The following ASB3 variants were observed in gnomAD, a reference collection of about 807,000 sequenced individuals.
ASB3 encodes ankyrin repeat and SOCS box protein 3.
In ASB3, 41 loss-of-function variants were observed where a neutral mutation model predicts 54.5. That is an observed-to-expected ratio of 0.75 (90% CI 0.59 to 0.98). The LOEUF is 0.98. ASB3 is among the 50% of genes least tolerant of loss of function. The pLI is 0.00. For synonymous variants in ASB3, 266 were observed against 221.2 expected, an observed-to-expected ratio of 1.20 and a Z score of -1.80; for missense variants, 733 against 620.0, an observed-to-expected ratio of 1.18 and a Z score of -1.94.
chr2:53,726,218 G>A (rs1029553218), intron 5 of ASB3, among the ~76,000 whole-genome samples: 2 of 151,060 alleles, frequency 1.3e-5, no homozygotes, highest in African/African-American at 4.9e-5. Context: ...CCTGACATGA[G>A]GAGAGACATT....
rs143159327 is a variant in ASB3 at position 53,679,290 on chromosome 2, A to G, written c.1370-8600T>C. On this transcript the variant is annotated intron_variant, in intron 9 of 9. Transcript: ENST00000263634. ...AGGGTTTTGCTCTGCAAATCTTTCA[A>G]TGGTTCTCAATTGGTTTCCCACAGC... Among the ~76,000 whole-genome samples the G allele has an allele frequency of 3.1e-3, 471 of 152,242 alleles. 4 individuals are homozygous for G. Among genetic ancestry groups the G allele is most frequent in the African/African-American group, 0.011 (444 of 41,534 alleles).
At chr2:53,681,072 T>G (rs1295285905) in intron 9 of ASB3, among the ~76,000 whole-genome samples, 2 of 152,260 alleles carry the variant, frequency 1.3e-5, no homozygotes, top group Admixed American at 6.5e-5. Context: ...TCATTCTTTT[T>G]TATGGTTGAA....
chr2:53,720,019 C>T (rs941039497), intron 5 of ASB3, among the ~76,000 whole-genome samples: 13 of 152,148 alleles, frequency 8.5e-5, no homozygotes, highest in African/African-American at 2.9e-4. Context: ...ACGTACCTCC[C>T]TCACAAGGAA....
chr2:53,758,046 A>T (rs990471130), intron 2 of ASB3, among the ~76,000 whole-genome samples: 16 of 152,354 alleles, frequency 1.1e-4, no homozygotes, highest in Non-Finnish European at 2.4e-4. Flanking sequence ...AGAGAGAAAA[A>T]GAGAGATAGA....
chr2:53,747,427 T>C (rs1054701571), intron 3 of ASB3, among the ~76,000 whole-genome samples: 3 of 152,082 alleles, frequency 2.0e-5, no homozygotes, highest in African/African-American at 7.2e-5. Context: ...GGGCTTGTAA[T>C]CCCAGCTACT....
intron 8 of ASB3, among the ~76,000 whole-genome samples, chr2:53,694,935 T>C (rs1052987766): frequency 1.3e-5 from 2 of 152,176 alleles, no homozygotes; most frequent in Non-Finnish European, 2.9e-5. Flanking sequence ...ATTATATTTT[T>C]AGAAGCTTTA....
At chr2:53,672,858 T>C (rs188655728) in intron 9 of ASB3, among the ~76,000 whole-genome samples, 2 of 152,356 alleles carry the variant, frequency 1.3e-5, no homozygotes, top group African/African-American at 4.8e-5. Flanking sequence ...AATATCTATT[T>C]CTGTTCTGTG....
chr2:53,677,534 T>C (rs1231266860), intron 9 of ASB3, among the ~76,000 whole-genome samples: 1 of 152,252 alleles, frequency 6.6e-6, no homozygotes, highest in Non-Finnish European at 1.5e-5. Flanking sequence ...CAGTGTTTTC[T>C]ATGCTCCTTT....
At chr2:53,785,186 C>T (rs550067063) in intron 1 of ASB3, among the ~76,000 whole-genome samples, 2 of 152,352 alleles carry the variant, frequency 1.3e-5, no homozygotes, top group South Asian at 4.1e-4. Flanking sequence ...GTACTAAAAG[C>T]AACACATCCT....
rs1485339834 is a variant in ASB3, at chr2:53,786,936, G to A, written c.-129C>T. On this transcript the variant is annotated 5_prime_UTR_variant, in exon 1 of 10. Transcript: ENST00000263634. ...CGCGATGCTGCAGCCGTCCGAAAACGAGAGACGCGCAGGCGACGTCCCGGC... is the reference window on the plus strand; with the variant it reads ...CGCGATGCTGCAGCCGTCCGAAAACAAGAGACGCGCAGGCGACGTCCCGGC... 4.8e-6 allele frequency: 2 copies of A among 420,294 alleles called. No individual in the cohort carries two copies. The highest frequency in any genetic ancestry group is 7.4e-5 in the East Asian group (2 of 26,914). The allele number at this position is 420,294 out of a possible 1,614,324, so 26.0% of individuals were successfully genotyped here. A position where few individuals can be genotyped will look rare whatever the true frequency, so the allele number is the denominator to read the frequency against.
chr2:53,699,590 A>C (rs889131450), intron 8 of ASB3, among the ~76,000 whole-genome samples: 2 of 152,234 alleles, frequency 1.3e-5, no homozygotes, highest in Non-Finnish European at 2.9e-5. Flanking sequence ...TAAAATAACA[A>C]GTCCTCTATT....
chr2:53,768,063 C>G (rs1329085555), intron 1 of ASB3: 1 of 1,605,030 alleles, frequency 6.2e-7, no homozygotes, highest in South Asian at 1.1e-5. Flanking sequence ...GCCCCCTGAC[C>G]CCTGCTCCCC....
At position 53,729,480 on chromosome 2, in the gene ASB3, G is replaced by A. The variant is rs2103907524; in HGVS notation, c.446C>T (p.Ser149Phe). 6.2e-7 allele frequency: 1 copy of A among 1,613,870 alleles called. No homozygotes were observed. The highest frequency in any genetic ancestry group is 2.2e-5 in the East Asian group (1 of 44,856). Residue 149 changes from serine (S) to phenylalanine (F), a missense_variant, in exon 4 of 10, where the codon TCC becomes TTC. Coordinates refer to ENST00000263634, the MANE Select transcript of ASB3 (RefSeq NM_016115.5). The stretch of plus-strand genomic sequence containing the variant: ...TACCTGAAAAGAAGCCTGGTGCAAG[G>A]AGTTCCATCCACACATAGAATGGGA... ...NGSHSMCGWN[S>F]LHQASFQENA...
At chr2:53,720,277 A>C (rs1670627952) in intron 5 of ASB3, among the ~76,000 whole-genome samples, 1 of 152,176 alleles carries the variant, frequency 6.6e-6, no homozygotes, top group South Asian at 2.1e-4. Flanking sequence ...CATGTATAAA[A>C]CGTATAAAAC....
At chr2:53,695,997 T>C (rs985949287) in intron 8 of ASB3, among the ~76,000 whole-genome samples, 1 of 152,214 alleles carries the variant, frequency 6.6e-6, no homozygotes, top group African/African-American at 2.4e-5. Flanking sequence ...TTGGAATTTT[T>C]ATAGAATGTT....
chr2:53,726,901 C>T (rs910597307), intron 5 of ASB3, among the ~76,000 whole-genome samples: 1 of 152,018 alleles, frequency 6.6e-6, no homozygotes, highest in Non-Finnish European at 1.5e-5. Context: ...ACCATGTTGG[C>T]TGGGCTGGTC....
chr2:53,717,022 G>C (rs1670435596), intron 5 of ASB3, among the ~76,000 whole-genome samples: 1 of 152,140 alleles, frequency 6.6e-6, no homozygotes, highest in African/African-American at 2.4e-5. Context: ...TTTGAGACCA[G>C]CCTGGGCAAC....
chr2:53,726,764 T>C (rs1365632687), intron 5 of ASB3, among the ~76,000 whole-genome samples: 2 of 151,810 alleles, frequency 1.3e-5, no homozygotes, highest in Non-Finnish European at 2.9e-5. Context: ...TGGTGCGATC[T>C]TAGCTCACTA....
chr2:53,707,574 G>A (rs760076433), intron 7 of ASB3, among the ~76,000 whole-genome samples: 2 of 151,696 alleles, frequency 1.3e-5, no homozygotes, highest in Non-Finnish European at 1.5e-5. Context: ...ATGAACCCAG[G>A]AGGCAGAGCT....
Sources: gnomAD v4.1 joint callset for allele counts (sites outside exome capture counted in the v4.1 genomes callset) on GRCh38, gnomAD v4.1.1 for gene constraint, MANE v1.5 for transcripts, NCBI Gene and HGNC (gene_info 2026-07-23, HGNC 2026-07-21) for gene names.